PREX1: variants seen among roughly 807,000 people sequenced by gnomAD.
PREX1 encodes phosphatidylinositol 3,4,5-trisphosphate-dependent Rac exchanger 1 protein.
PREX1 carries 41 observed loss-of-function variants against 198.3 expected under a neutral mutation model. The ratio of observed to expected loss-of-function variants is 0.21; its 90% confidence interval spans 0.16 to 0.27. PREX1 has a LOEUF of 0.27. Among genes scored for constraint, PREX1 ranks in the 10% least tolerant of loss-of-function variants. The pLI is 1.00. For missense variants in PREX1, 1,620 were observed against 2,200.7 expected (o/e 0.74, Z 5.28); for synonymous variants, 843 against 887.2 (o/e 0.95, Z 0.89).
chr20:48,851,206 G>A, the PREX1 span, among the ~76,000 whole-genome samples: 3 of 152,060 alleles, frequency 2.0e-5, no homozygotes, highest in African/African-American at 7.2e-5. Context: ...GCTGATCTCT[G>A]GTCTAAATCG....
intron 20 of PREX1, 42 bp from the exon 21 acceptor site, chr20:48,652,748 G>C (rs1194515441): frequency 1.3e-6 from 2 of 1,591,342 alleles, no homozygotes. Flanking sequence ...GGTGCCGGCA[G>C]GTAGGGAGGA....
At chr20:48,861,059 C>T in the PREX1 span, among the ~76,000 whole-genome samples, 4 of 152,194 alleles carry the variant, frequency 2.6e-5, no homozygotes, top group Admixed American at 6.5e-5. Flanking sequence ...CACTTTCTGA[C>T]GGGAAGGAAA....
intron 1 of PREX1, among the ~76,000 whole-genome samples, chr20:48,797,383 C>T (rs1406126155): frequency 1.4e-5 from 2 of 143,928 alleles, no homozygotes; most frequent in African/African-American, 2.6e-5. Context: ...ATGTTGGAGG[C>T]TGGCCATTTC....
intron 1 of PREX1, among the ~76,000 whole-genome samples, chr20:48,785,787 GA>G (rs1232771407): frequency 3.3e-5 from 5 of 151,328 alleles, no homozygotes; most frequent in African/African-American, 1.2e-4. Context: ...GCATCAGCAG[GA>G]AAAAAAAAGT....
chr20:48,762,570 AT>A (rs2090186424), intron 1 of PREX1, among the ~76,000 whole-genome samples: 1 of 152,146 alleles, frequency 6.6e-6, no homozygotes, highest in African/African-American at 2.4e-5. Flanking sequence ...AGAGCCAAGT[AT>A]TTTGGGTTCA....
chr20:48,675,782 T>C (rs982974375), intron 14 of PREX1, among the ~76,000 whole-genome samples: 1 of 152,184 alleles, frequency 6.6e-6, no homozygotes, highest in African/African-American at 2.4e-5. Context: ...CTCACACCTG[T>C]AATCCCAGTG....
intron 32 of PREX1, 86 bp downstream of exon 32, chr20:48,636,377 T>A: frequency 7.4e-7 from 1 of 1,352,652 alleles, no homozygotes; most frequent in Non-Finnish European, 9.9e-7. Context: ...GGAGCCTGAG[T>A]AAGTGGGCAA....
intron 6 of PREX1, among the ~76,000 whole-genome samples, chr20:48,702,318 C>T (rs1468158289): frequency 6.6e-6 from 1 of 152,096 alleles, no homozygotes; most frequent in Non-Finnish European, 1.5e-5. Context: ...CCAAGAGGAC[C>T]CAGGCAAGGG....
At position 48,827,404 on chromosome 20, in the gene PREX1, G is replaced by A. The variant is rs1255170464; in HGVS notation, c.219+238C>T. Among the ~76,000 whole-genome samples, 6 of 152,212 alleles carry A rather than the reference G, an allele frequency of 3.9e-5. No homozygotes were observed. Among genetic ancestry groups the A allele is most frequent in the Admixed American group, 2.6e-4 (4 of 15,292 alleles). On this transcript the variant is annotated intron_variant, in intron 1 of 39. Transcript: ENST00000371941. This position sits in a 1 kb window ranked among gnomAD's most constrained non-coding sequence, Gnocchi z 4.1. ...AAGAAAAGACAAAAGGGCAGCGCGC[G>A]CCGCGGGGAAGTGGAGTGCGGGAGA...
At chr20:48,660,788 A>C (rs992827140) in intron 15 of PREX1, among the ~76,000 whole-genome samples, 4 of 152,236 alleles carry the variant, frequency 2.6e-5, no homozygotes, top group African/African-American at 4.8e-5. Context: ...AAAGCTCAGA[A>C]GCTCACAGAT....
chr20:48,629,528 C>A lies in PREX1; in HGVS notation c.4687G>T (p.Gly1563Cys). ...KPGAAGSVGA[G>C]LIPISSELCY... ...AGCTCCGAGGAGATGGGGATGAGGC[C>A]GGCGCCCACACTCCCAGCAGCACCA... The change falls in exon 37 of 40, where the codon GGC becomes TGC. Residue 1563 changes from glycine to cysteine, a missense_variant. Gly to Cys is a radical substitution (Grantham distance 159). Coordinates refer to ENST00000371941, the MANE Select transcript of PREX1 (RefSeq NM_020820.4). The A allele has an allele frequency of 6.2e-7, 1 of 1,614,086 alleles. No individual in the cohort carries two copies. The highest frequency in any genetic ancestry group is 8.5e-7 in the Non-Finnish European group (1 of 1,179,946).
At chr20:48,833,810 G>A in the PREX1 span, among the ~76,000 whole-genome samples, 2 of 152,126 alleles carry the variant, frequency 1.3e-5, no homozygotes, top group Admixed American at 6.5e-5. Flanking sequence ...CCAGCCGGGC[G>A]CGGTGGCTCA....
At chr20:48,772,931 G>A (rs1568858903) in intron 1 of PREX1, among the ~76,000 whole-genome samples, 1 of 152,176 alleles carries the variant, frequency 6.6e-6, no homozygotes, top group Non-Finnish European at 1.5e-5. Context: ...AGTAAGAGAG[G>A]ACCTGTAAAG....
At chr20:48,699,889 T>A (rs2089865336) in intron 7 of PREX1, among the ~76,000 whole-genome samples, 1 of 152,102 alleles carries the variant, frequency 6.6e-6, no homozygotes, top group Non-Finnish European at 1.5e-5. Flanking sequence ...CTCCTAAACC[T>A]CCAAGCATTC....
intron 7 of PREX1, among the ~76,000 whole-genome samples, chr20:48,696,960 CTTA>C (rs1440581298): frequency 7.2e-6 from 1 of 138,276 alleles, no homozygotes; most frequent in Non-Finnish European, 1.5e-5. Context: ...GAGTCAACTG[CTTA>C]TTATAAATCT....
chr20:48,687,426 G>T (rs1385585980), intron 10 of PREX1, among the ~76,000 whole-genome samples: 1 of 152,224 alleles, frequency 6.6e-6, no homozygotes, highest in Admixed American at 6.5e-5. Flanking sequence ...ATCAGCAAAT[G>T]CTGTTGCCTT....
At chr20:48,661,264 A>T (rs1163068108) in intron 15 of PREX1, among the ~76,000 whole-genome samples, 4 of 151,038 alleles carry the variant, frequency 2.6e-5, no homozygotes, top group Non-Finnish European at 4.4e-5. Flanking sequence ...CACTAAAAAT[A>T]CAAAATTAGC....
At chr20:48,676,039 G>GAAA (rs1167671520) in intron 14 of PREX1, among the ~76,000 whole-genome samples, 154 bp downstream of exon 14, 1 of 124,306 alleles carries the variant, frequency 8.0e-6, no homozygotes. Flanking sequence ...TCTGTCTCAA[G>GAAA]AAAAAAAAAA....
chr20:48,748,431 C>CA (rs2090119231), intron 1 of PREX1, among the ~76,000 whole-genome samples: 1 of 152,108 alleles, frequency 6.6e-6, no homozygotes, highest in African/African-American at 2.4e-5. Context: ...GGTATTCTTC[C>CA]AAAAAATCTA....
Sources: allele counts gnomAD v4.1 joint callset (sites outside exome capture counted in the v4.1 genomes callset), GRCh38; gene constraint gnomAD v4.1.1; non-coding constraint Gnocchi (gnomAD v3.1); transcripts MANE v1.5; gene names NCBI Gene and HGNC (gene_info 2026-07-23, HGNC 2026-07-21).